IL1RAPL2: variants seen among roughly 807,000 people sequenced by gnomAD.
The protein encoded by IL1RAPL2 is interleukin 1 receptor accessory protein like 2.
IL1RAPL2 carries 3 observed loss-of-function variants against 44.1 expected under a neutral mutation model. The observed-to-expected ratio is 0.07, with a 90% CI of 0.03 to 0.18. IL1RAPL2 has a LOEUF of 0.18. IL1RAPL2 is among the 10% of genes least tolerant of loss of function. The pLI is 1.00. For synonymous variants in IL1RAPL2, 181 were observed against 178.8 expected (o/e 1.01, Z -0.10); for missense variants, 391 against 496.4 (o/e 0.79, Z 2.02).
intron 5 of IL1RAPL2, among the ~76,000 whole-genome samples, chrX:105,430,990 A>G (rs1046143976): frequency 3.6e-5 from 4 of 112,154 alleles, no homozygotes; most frequent in Admixed American, 2.8e-4. Context: ...ACAGCATGCT[A>G]CCGACTCTGC....
intron 1 of IL1RAPL2, among the ~76,000 whole-genome samples, chrX:104,654,877 G>C (rs1160281407): frequency 9.0e-6 from 1 of 111,089 alleles, no homozygotes; most frequent in Non-Finnish European, 1.9e-5. Flanking sequence ...AGTTCTTGAA[G>C]AGATCCCTCA....
At chrX:104,814,484 G>A (rs941663313) in intron 2 of IL1RAPL2, among the ~76,000 whole-genome samples, 1 of 112,246 alleles carries the variant, frequency 8.9e-6, no homozygotes, top group Non-Finnish European at 1.9e-5. Flanking sequence ...TCTTAGAGAT[G>A]AGCAAAATTG....
intron 4 of IL1RAPL2, among the ~76,000 whole-genome samples, chrX:105,237,787 G>T (rs1242848386): frequency 1.8e-5 from 2 of 111,314 alleles, no homozygotes; most frequent in Non-Finnish European, 3.8e-5. Flanking sequence ...CATTCTGTAG[G>T]TTGCCTGTTG....
At chrX:105,586,812 G>A (rs1444138806) in intron 6 of IL1RAPL2, among the ~76,000 whole-genome samples, 1 of 112,441 alleles carries the variant, frequency 8.9e-6, no homozygotes, top group East Asian at 2.8e-4. Context: ...CTAGAATTCT[G>A]TGCATGTGCA....
intron 1 of IL1RAPL2, among the ~76,000 whole-genome samples, chrX:104,585,354 A>ATAT (rs1457325888): frequency 0.015 from 187 of 12,106 alleles, 5 homozygotes; most frequent in African/African-American, 0.079. Flanking sequence ...TATATATATT[A>ATAT]TATATATTAT....
chrX:104,753,517 A>C (rs1932296471), intron 2 of IL1RAPL2, among the ~76,000 whole-genome samples: 1 of 111,583 alleles, frequency 9.0e-6, no homozygotes, highest in Non-Finnish European at 1.9e-5. Flanking sequence ...CTCACACCTC[A>C]GGATTCCTGA....
intron 5 of IL1RAPL2, among the ~76,000 whole-genome samples, chrX:105,420,872 C>T (rs2035769221): frequency 9.0e-6 from 1 of 111,680 alleles, no homozygotes; most frequent in Non-Finnish European, 1.9e-5. Flanking sequence ...ACCAAAAGAG[C>T]CCCATCTTCT....
At chrX:105,477,092 T>A (rs1469314404) in intron 5 of IL1RAPL2, among the ~76,000 whole-genome samples, 1 of 112,013 alleles carries the variant, frequency 8.9e-6, no homozygotes, top group Non-Finnish European at 1.9e-5. Context: ...CAGGTTTTGA[T>A]CAGAGTCACA....
intron 5 of IL1RAPL2, among the ~76,000 whole-genome samples, chrX:105,297,703 A>T (rs1293277281): frequency 9.0e-6 from 1 of 111,220 alleles, no homozygotes; most frequent in African/African-American, 3.3e-5. Flanking sequence ...ACACCTGGGG[A>T]TTATAATTCC....
chrX:104,923,638 A>G (rs1221943800), intron 2 of IL1RAPL2, among the ~76,000 whole-genome samples: 1 of 111,798 alleles, frequency 8.9e-6, no homozygotes, highest in Non-Finnish European at 1.9e-5. Flanking sequence ...TGGTCCTACA[A>G]GAAATGCTCA....
intron 6 of IL1RAPL2, among the ~76,000 whole-genome samples, chrX:105,612,235 C>T (rs2037341960): frequency 9.0e-6 from 1 of 110,544 alleles, no homozygotes; most frequent in South Asian, 3.9e-4. Context: ...GGCTCTGAGT[C>T]GTTGGGACTA....
At chrX:104,625,959 C>G (rs1367384120) in intron 1 of IL1RAPL2, among the ~76,000 whole-genome samples, 1 of 110,912 alleles carries the variant, frequency 9.0e-6, no homozygotes, top group Non-Finnish European at 1.9e-5. Flanking sequence ...CTCTAGCATC[C>G]TTATCTGTAA....
chrX:105,396,799 C>T (rs766716198), intron 5 of IL1RAPL2, among the ~76,000 whole-genome samples: 23 of 109,644 alleles, frequency 2.1e-4, no homozygotes, highest in African/African-American at 6.0e-4. Flanking sequence ...TGTTGAATGC[C>T]GTAGATAGGT....
chrX:104,893,682 T>A (rs1006327343), intron 2 of IL1RAPL2, among the ~76,000 whole-genome samples: 5 of 111,831 alleles, frequency 4.5e-5, no homozygotes, highest in African/African-American at 1.6e-4. Context: ...TATGTGTGTT[T>A]CTGCACATGA....
At chrX:104,750,404 C>G (rs1932239504) in intron 2 of IL1RAPL2, among the ~76,000 whole-genome samples, 1 of 111,064 alleles carries the variant, frequency 9.0e-6, no homozygotes, top group Non-Finnish European at 1.9e-5. Flanking sequence ...CCAAATTGAA[C>G]ACCACCACAT....
At chrX:104,584,545 T>G (rs1001407794) in intron 1 of IL1RAPL2, among the ~76,000 whole-genome samples, 4 of 110,361 alleles carry the variant, frequency 3.6e-5, no homozygotes, top group African/African-American at 1.3e-4. Context: ...AAGTAACAAG[T>G]ATAAGGCTTA....
At chrX:104,762,312 C>T (rs1932475261) in intron 2 of IL1RAPL2, among the ~76,000 whole-genome samples, 1 of 111,161 alleles carries the variant, frequency 9.0e-6, no homozygotes, top group Non-Finnish European at 1.9e-5. Context: ...GAGGTCAAAT[C>T]CTAAAGCTCC....
chrX:104,666,129 T>TAG (rs1013362435), intron 2 of IL1RAPL2, among the ~76,000 whole-genome samples: 20 of 107,995 alleles, frequency 1.9e-4, no homozygotes, highest in African/African-American at 6.4e-4. Context: ...GTCTGAGACA[T>TAG]AGAGAGAGAG....
intron 6 of IL1RAPL2, among the ~76,000 whole-genome samples, chrX:105,595,726 T>G (rs1441818958): frequency 9.0e-6 from 1 of 111,103 alleles, no homozygotes; most frequent in East Asian, 2.8e-4. Context: ...TCTCAAAGAG[T>G]TTAGGGAGAA....
Sources: gnomAD v4.1 joint callset for allele counts (sites outside exome capture counted in the v4.1 genomes callset) on GRCh38, gnomAD v4.1.1 for gene constraint, MANE v1.5 for transcripts, NCBI Gene and HGNC (gene_info 2026-07-23, HGNC 2026-07-21) for gene names.